The following CNTNAP5 variants were observed in gnomAD, a reference collection of about 807,000 sequenced individuals.
The protein encoded by CNTNAP5 is contactin-associated protein-like 5.
CNTNAP5 carries 72 observed loss-of-function variants against 150.2 expected under a neutral mutation model. The ratio of observed to expected loss-of-function variants is 0.48; its 90% confidence interval spans 0.40 to 0.58. The LOEUF is 0.58. Among genes scored for constraint, CNTNAP5 ranks in the 20% least tolerant of loss-of-function variants. CNTNAP5 has a pLI of 0.00. For missense variants in CNTNAP5, 1,636 were observed against 1,626.2 expected (o/e 1.01, Z -0.10); for synonymous variants, 672 against 619.8 (o/e 1.08, Z -1.25).
At chr2:124,852,310 C>G (rs1051062198) in intron 19 of CNTNAP5, among the ~76,000 whole-genome samples, 2 of 152,072 alleles carry the variant, frequency 1.3e-5, no homozygotes, top group Non-Finnish European at 2.9e-5. Flanking sequence ...TTGTGTGGCT[C>G]TCATGGGACC....
intron 3 of CNTNAP5, among the ~76,000 whole-genome samples, chr2:124,298,432 C>G (rs1332456119): frequency 6.6e-6 from 1 of 152,122 alleles, no homozygotes; most frequent in Non-Finnish European, 1.5e-5. Context: ...CGAAGTTTTC[C>G]AGAGCTTATA....
At chr2:124,838,106 C>A (rs1232689167) in intron 19 of CNTNAP5, among the ~76,000 whole-genome samples, 1 of 152,018 alleles carries the variant, frequency 6.6e-6, no homozygotes, top group Non-Finnish European at 1.5e-5. Flanking sequence ...GCAAATGTAG[C>A]TTCAGAGGGA....
chr2:124,473,610 C>T (rs1048494064), intron 6 of CNTNAP5, among the ~76,000 whole-genome samples: 3 of 151,836 alleles, frequency 2.0e-5, no homozygotes, highest in Non-Finnish European at 4.4e-5. Context: ...CCTCCTGAAA[C>T]ATTAAGACAG....
At chr2:124,374,571 G>A (rs537808920) in intron 3 of CNTNAP5, among the ~76,000 whole-genome samples, 24 of 152,242 alleles carry the variant, frequency 1.6e-4, no homozygotes, top group Middle Eastern at 3.4e-3. Flanking sequence ...AGAAAACAGA[G>A]TTGATAAAGT....
chr2:124,707,482 A>G (rs79068209), intron 13 of CNTNAP5, among the ~76,000 whole-genome samples: 2,516 of 152,316 alleles, frequency 0.017, 55 homozygotes, highest in African/African-American at 0.052. Context: ...AAATAAATCC[A>G]GAGTGCAATA....
In CNTNAP5 at chr2:124,515,447, A is replaced by G. The variant is rs188623829; in HGVS notation, c.1328-8856A>G. Among the ~76,000 whole-genome samples the G allele has an allele frequency of 9.4e-4, 143 of 152,350 alleles. 1 individual carries two copies. In the East Asian group the frequency reaches 0.019, roughly 20 times the overall value. On this transcript the variant is annotated intron_variant, in intron 8 of 23. Transcript: ENST00000682447. ...CAGACAGTGGATGCTATAGGAATTT[A>G]GAAAGAGAAATCACCCTGCACTATT...
At chr2:124,336,939 G>A (rs1465438366) in intron 3 of CNTNAP5, among the ~76,000 whole-genome samples, 2 of 152,094 alleles carry the variant, frequency 1.3e-5, no homozygotes, top group Non-Finnish European at 2.9e-5. Context: ...AGTTCCCTGA[G>A]GAATCGCCAC....
intron 7 of CNTNAP5, among the ~76,000 whole-genome samples, chr2:124,477,952 C>A (rs1693681314): frequency 6.6e-6 from 1 of 152,008 alleles, no homozygotes; most frequent in African/African-American, 2.4e-5. Flanking sequence ...AAACATTGCA[C>A]ACTCATTGTT....
At chr2:124,027,276 G>A (rs1384827124) in intron 1 of CNTNAP5, among the ~76,000 whole-genome samples, 4 of 152,206 alleles carry the variant, frequency 2.6e-5, no homozygotes, top group African/African-American at 9.6e-5. Flanking sequence ...AGGAGGTAAG[G>A]CACAGCGCTG....
chr2:124,870,485 C>G (rs1355441350), intron 21 of CNTNAP5, among the ~76,000 whole-genome samples: 1 of 131,440 alleles, frequency 7.6e-6, no homozygotes, highest in African/African-American at 4.1e-5. Flanking sequence ...ACTCAACTGT[C>G]CATCCATTTT....
At chr2:124,403,446 T>A (rs1267507242) in intron 3 of CNTNAP5, among the ~76,000 whole-genome samples, 1 of 152,180 alleles carries the variant, frequency 6.6e-6, no homozygotes, top group East Asian at 1.9e-4. Flanking sequence ...TAAGAAAAGT[T>A]TTTTTTATGT....
chr2:124,697,173 C>T (rs1479534969), intron 13 of CNTNAP5, among the ~76,000 whole-genome samples: 1 of 152,258 alleles, frequency 6.6e-6, no homozygotes, highest in South Asian at 2.1e-4. Flanking sequence ...CCCATATACA[C>T]TGTACCCAGT....
chr2:124,381,096 A>C (rs1690783488), intron 3 of CNTNAP5, among the ~76,000 whole-genome samples: 1 of 152,140 alleles, frequency 6.6e-6, no homozygotes, highest in Admixed American at 6.5e-5. Context: ...AAAGAAGTGC[A>C]GGGAACTTGA....
chr2:124,502,203 T>C (rs1384257680), intron 7 of CNTNAP5, among the ~76,000 whole-genome samples: 2 of 152,200 alleles, frequency 1.3e-5, no homozygotes, highest in Non-Finnish European at 2.9e-5. Flanking sequence ...AGGAACTCCT[T>C]AGATTCTGAG....
chr2:124,834,183 C>A (rs73955852), intron 19 of CNTNAP5, among the ~76,000 whole-genome samples: 7,589 of 152,146 alleles, frequency 0.05, 550 homozygotes, highest in African/African-American at 0.16. Flanking sequence ...AACCAAGATT[C>A]GCACCAGATA....
At chr2:124,182,844 T>C (rs1685241964) in intron 1 of CNTNAP5, among the ~76,000 whole-genome samples, 1 of 152,164 alleles carries the variant, frequency 6.6e-6, no homozygotes. Context: ...CTCCTTTTAA[T>C]CAGAAGATTT....
At chr2:124,887,856 A>G (rs1208766721) in intron 21 of CNTNAP5, among the ~76,000 whole-genome samples, 1 of 152,138 alleles carries the variant, frequency 6.6e-6, no homozygotes, top group Non-Finnish European at 1.5e-5. Context: ...CGAGTCCAAG[A>G]CCTGAAAAGC....
chr2:124,558,921 T>C lies in CNTNAP5; in HGVS notation c.1650-4296T>C, dbSNP rs1186261120. ...TACTCAGAAATGTCTGTCTCTAGTC[T>C]ACCTAGTGGCTCAATCTCACAACAT... On this transcript the variant is annotated intron_variant, in intron 10 of 23. Transcript: ENST00000682447. 6.6e-5 allele frequency among the ~76,000 whole-genome samples: 10 copies of C among 152,376 alleles called. No homozygotes were observed. The South Asian group carries it at 1.0e-3, about 16-fold the overall frequency.
intron 12 of CNTNAP5, among the ~76,000 whole-genome samples, chr2:124,629,345 AATT>A (rs896183325): frequency 6.6e-6 from 1 of 152,204 alleles, no homozygotes; most frequent in Non-Finnish European, 1.5e-5. Context: ...GAACAACTGA[AATT>A]ATAACAAACA....
Sources: allele counts gnomAD v4.1 joint callset (sites outside exome capture counted in the v4.1 genomes callset), GRCh38; gene constraint gnomAD v4.1.1; transcripts MANE v1.5; gene names NCBI Gene and HGNC (gene_info 2026-07-23, HGNC 2026-07-21).